BCAR3: variants seen among roughly 807,000 people sequenced by gnomAD.
The protein encoded by BCAR3 is breast cancer anti-estrogen resistance protein 3.
A neutral mutation model predicts 80.1 loss-of-function variants in BCAR3; 37 were observed. The observed-to-expected ratio is 0.46, with a 90% confidence interval of 0.36 to 0.61. BCAR3 has a LOEUF of 0.61. Among genes scored for constraint, BCAR3 ranks in the 20% least tolerant of loss-of-function variants. The probability of loss-of-function intolerance (pLI) is 0.00; values close to 1 mark genes in which losing one functional copy is unlikely to be tolerated. For synonymous variants in BCAR3, 389 were observed against 418.9 expected, an observed-to-expected ratio of 0.93 and a Z score of 0.87; for missense variants, 978 against 1,068.2, an observed-to-expected ratio of 0.92 and a Z score of 1.18.
chr1:93,595,007 A>C (rs890672666), intron 3 of BCAR3, among the ~76,000 whole-genome samples: 5 of 152,236 alleles, frequency 3.3e-5, no homozygotes, highest in South Asian at 2.1e-4. Context: ...TGGTTACAAA[A>C]AATATAAAAT....
At chr1:93,837,993 T>A (rs1654829092) in intron 2 of BCAR3, among the ~76,000 whole-genome samples, 1 of 152,206 alleles carries the variant, frequency 6.6e-6, no homozygotes. Context: ...ATCTACAGGG[T>A]CTTTCCATGT....
At chr1:93,804,190 C>T (rs1162895227) in intron 2 of BCAR3, among the ~76,000 whole-genome samples, 3 of 152,178 alleles carry the variant, frequency 2.0e-5, no homozygotes, top group African/African-American at 7.2e-5. Flanking sequence ...TTTTGGCAAA[C>T]TCCAGCCTCA....
chr1:93,668,714 T>C (rs558035096), intron 2 of BCAR3, among the ~76,000 whole-genome samples: 103 of 151,690 alleles, frequency 6.8e-4, no homozygotes, highest in African/African-American at 2.3e-3. Flanking sequence ...TTTTTTTTTT[T>C]CTTTTTTTTT....
rs1182145384 is a variant in BCAR3, at chr1:93,592,981, A to G, written c.358-588T>C. Among the ~76,000 whole-genome samples, 1 of 152,246 alleles carries G rather than the reference A, an allele frequency of 6.6e-6. No homozygotes were observed. Among genetic ancestry groups the G allele is most frequent in the Non-Finnish European group, 1.5e-5 (1 of 68,046 alleles). On this transcript the variant is annotated intron_variant, in intron 3 of 11. Transcript: ENST00000260502. The surrounding 1 kb of genome is among the most constrained non-coding windows in gnomAD (Gnocchi z 4.8). ...AATAACAGAAGTCTGTCTTTATTTC[A>G]CATTTCTAATATTTCATTTTTATGA...
chr1:93,651,712 T>C (rs1676331290), intron 2 of BCAR3, among the ~76,000 whole-genome samples: 2 of 152,244 alleles, frequency 1.3e-5, no homozygotes, highest in African/African-American at 2.4e-5. Flanking sequence ...GATGTACAGT[T>C]GACCATTCAA....
intron 2 of BCAR3, among the ~76,000 whole-genome samples, chr1:93,665,338 A>G (rs1233574601): frequency 1.3e-5 from 2 of 152,114 alleles, no homozygotes; most frequent in Non-Finnish European, 2.9e-5. Flanking sequence ...AAAATCAAGT[A>G]GTGGATAAAA....
intron 2 of BCAR3, among the ~76,000 whole-genome samples, chr1:93,741,936 G>T (rs572847340): frequency 6.6e-6 from 1 of 152,302 alleles, no homozygotes; most frequent in Admixed American, 6.5e-5. Context: ...TTAAAAACTA[G>T]CTCCAAAGAG....
At chr1:93,664,398 C>T (rs1222110149) in intron 2 of BCAR3, among the ~76,000 whole-genome samples, 3 of 152,196 alleles carry the variant, frequency 2.0e-5, no homozygotes, top group East Asian at 1.9e-4. Flanking sequence ...GGATTACAGG[C>T]GTGAGCCACC....
At chr1:93,841,629 G>A (rs1157849867) in intron 2 of BCAR3, among the ~76,000 whole-genome samples, 1 of 152,220 alleles carries the variant, frequency 6.6e-6, no homozygotes, top group East Asian at 1.9e-4. Flanking sequence ...TTTCCTTCAT[G>A]ACTAGACTTC....
chr1:93,734,042 G>A (rs1401477926), intron 2 of BCAR3, among the ~76,000 whole-genome samples: 1 of 152,156 alleles, frequency 6.6e-6, no homozygotes, highest in African/African-American at 2.4e-5. Flanking sequence ...GCAAATGTAG[G>A]CTGGCTGTCT....
At chr1:93,687,393 C>T (rs771422877) in intron 3 of BCAR3, among the ~76,000 whole-genome samples, 75 of 152,246 alleles carry the variant, frequency 4.9e-4, no homozygotes, top group Non-Finnish European at 8.5e-4. Flanking sequence ...CTGCAAACTC[C>T]GTCTCTTGGG....
At chr1:93,628,728 G>A (rs887541762) in intron 3 of BCAR3, among the ~76,000 whole-genome samples, 4 of 152,060 alleles carry the variant, frequency 2.6e-5, no homozygotes, top group Non-Finnish European at 5.9e-5. Context: ...AGCACTCATC[G>A]TCAGCTAACA....
At chr1:93,626,589 C>A (rs1392534999) in intron 3 of BCAR3, among the ~76,000 whole-genome samples, 1 of 152,148 alleles carries the variant, frequency 6.6e-6, no homozygotes, top group Non-Finnish European at 1.5e-5. Context: ...TGGGTTAATT[C>A]CTGGTGCCTC....
At chr1:93,603,788 G>C (rs1026315944) in intron 3 of BCAR3, among the ~76,000 whole-genome samples, 3 of 152,212 alleles carry the variant, frequency 2.0e-5, no homozygotes, top group Admixed American at 6.5e-5. Flanking sequence ...GTGATGGAAG[G>C]AGGACTCCAT....
intron 3 of BCAR3, among the ~76,000 whole-genome samples, chr1:93,611,759 A>G (rs1014032212): frequency 3.9e-5 from 6 of 152,188 alleles, no homozygotes; most frequent in Non-Finnish European, 5.9e-5. Flanking sequence ...TCATTCTCCT[A>G]TGTAAGGAGG....
chr1:93,822,186 CTTTTTTTTTTTTT>C (rs1014969170), intron 2 of BCAR3, among the ~76,000 whole-genome samples: 1 of 141,902 alleles, frequency 7.0e-6, no homozygotes, highest in African/African-American at 2.6e-5. Flanking sequence ...TTTTTTTTTT[CTTTTTTTTTTTTT>C]GAGACAGTCT....
At chr1:93,847,089 G>A (rs1025217580) in exon 1 of BCAR3, 1 of 247,852 alleles carries the variant, frequency 4.0e-6, no homozygotes. Flanking sequence ...CCCGAGGGGA[G>A]GCCGCTCGGC....
chr1:93,736,251 G>A (rs568330269), intron 2 of BCAR3, among the ~76,000 whole-genome samples: 7 of 152,148 alleles, frequency 4.6e-5, no homozygotes, highest in African/African-American at 7.2e-5. Flanking sequence ...GCAATGGCGC[G>A]ATCTCGGCTT....
chr1:93,749,586 CAAAAA>C (rs1160570100), intron 2 of BCAR3, among the ~76,000 whole-genome samples: 3 of 69,404 alleles, frequency 4.3e-5, no homozygotes, highest in Admixed American at 1.7e-4. Flanking sequence ...GAGACTCCGT[CAAAAA>C]AAAAAAAAAA....
Sources: gnomAD v4.1 joint callset for allele counts (sites outside exome capture counted in the v4.1 genomes callset) on GRCh38, gnomAD v4.1.1 for gene constraint, Gnocchi (gnomAD v3.1) non-coding constraint, MANE v1.5 for transcripts, NCBI Gene and HGNC (gene_info 2026-07-23, HGNC 2026-07-21) for gene names.